The following SEMA5A variants were observed in gnomAD, a reference collection of about 807,000 sequenced individuals.
SEMA5A encodes the protein semaphorin 5A.
A neutral mutation model predicts 135.5 loss-of-function variants in SEMA5A; 55 were observed. The observed-to-expected ratio is 0.41, with a 90% CI of 0.33 to 0.51. SEMA5A has a LOEUF of 0.51. Ranked by LOEUF, SEMA5A falls within the 20% of genes least tolerant of loss-of-function variation. The pLI, the probability that SEMA5A is intolerant of heterozygous loss-of-function variation, is 0.37. For synonymous variants in SEMA5A, 580 were observed against 546.5 expected (o/e 1.06, Z -0.85); for missense variants, 1,290 against 1,419.9 (o/e 0.91, Z 1.47).
intron 11 of SEMA5A, among the ~76,000 whole-genome samples, chr5:9,171,767 C>T (rs1033078460): frequency 3.3e-5 from 5 of 152,080 alleles, no homozygotes; most frequent in East Asian, 1.9e-4. Flanking sequence ...ACACAGGCTG[C>T]GGCAAGGGTT....
At chr5:9,253,695 T>C (rs923480724) in intron 5 of SEMA5A, among the ~76,000 whole-genome samples, 11 of 152,174 alleles carry the variant, frequency 7.2e-5, no homozygotes, top group African/African-American at 2.7e-4. Flanking sequence ...ATAGAACCTA[T>C]AAAAATACAA....
At chr5:9,518,417 A>G (rs1311371294) in intron 1 of SEMA5A, among the ~76,000 whole-genome samples, 1 of 152,240 alleles carries the variant, frequency 6.6e-6, no homozygotes, top group Non-Finnish European at 1.5e-5. Flanking sequence ...TATTTTGTCT[A>G]AAACACTTAA....
chr5:9,489,108 T>C (rs1243140044), intron 1 of SEMA5A, among the ~76,000 whole-genome samples: 1 of 152,092 alleles, frequency 6.6e-6, no homozygotes, highest in African/African-American at 2.4e-5. Context: ...TTCCCAATAC[T>C]CAGTCAGGCA....
At chr5:9,490,143 A>G (rs1020872262) in intron 1 of SEMA5A, among the ~76,000 whole-genome samples, 1 of 152,232 alleles carries the variant, frequency 6.6e-6, no homozygotes, top group Non-Finnish European at 1.5e-5. Flanking sequence ...AAAGCATTTA[A>G]CAAATAAGAT....
intron 12 of SEMA5A, among the ~76,000 whole-genome samples, chr5:9,140,701 T>A (rs1165841872): frequency 2.0e-5 from 3 of 152,186 alleles, no homozygotes; most frequent in Non-Finnish European, 4.4e-5. Flanking sequence ...ATAGTGTATA[T>A]CACATATGGG....
intron 1 of SEMA5A, among the ~76,000 whole-genome samples, chr5:9,500,150 C>T (rs1442864456): frequency 2.6e-5 from 4 of 152,202 alleles, no homozygotes; most frequent in Non-Finnish European, 5.9e-5. Flanking sequence ...GCCAACCACA[C>T]AGAGCCAGAT....
intron 15 of SEMA5A, among the ~76,000 whole-genome samples, chr5:9,115,893 A>G (rs568495240): frequency 6.6e-6 from 1 of 152,208 alleles, no homozygotes; most frequent in African/African-American, 2.4e-5. Context: ...TTTTGTGATT[A>G]TGTTACATAA....
chr5:9,113,726 A>G (rs934139910), intron 15 of SEMA5A, among the ~76,000 whole-genome samples: 1 of 152,242 alleles, frequency 6.6e-6, no homozygotes, highest in Admixed American at 6.5e-5. Flanking sequence ...TCACTAAGGA[A>G]ATTCAAATCA....
At chr5:9,499,610 T>A (rs1263498482) in intron 1 of SEMA5A, among the ~76,000 whole-genome samples, 1 of 152,348 alleles carries the variant, frequency 6.6e-6, no homozygotes, top group East Asian at 1.9e-4. Flanking sequence ...GAACAGGAAG[T>A]TTGACAGGCA....
chr5:9,153,327 T>G (rs1331890698), intron 12 of SEMA5A, among the ~76,000 whole-genome samples: 2 of 152,174 alleles, frequency 1.3e-5, no homozygotes, highest in African/African-American at 4.8e-5. Flanking sequence ...GGGATCAGAG[T>G]GTATATACAA....
intron 5 of SEMA5A, among the ~76,000 whole-genome samples, chr5:9,302,836 C>T (rs1282410106): frequency 2.0e-5 from 3 of 152,052 alleles, no homozygotes; most frequent in East Asian, 1.9e-4. Context: ...AAAAAGAGGC[C>T]GCTTGACAAA....
At chr5:9,375,205 G>A (rs1291032357) in intron 3 of SEMA5A, among the ~76,000 whole-genome samples, 1 of 152,066 alleles carries the variant, frequency 6.6e-6, no homozygotes, top group African/African-American at 2.4e-5. Flanking sequence ...CCTTTTATGT[G>A]TCCTCCCAAA....
intron 6 of SEMA5A, among the ~76,000 whole-genome samples, chr5:9,230,789 A>G (rs1285995867): frequency 6.6e-6 from 1 of 152,142 alleles, no homozygotes; most frequent in East Asian, 1.9e-4. Context: ...CCCAGCCTTA[A>G]CTAGAGGTCT....
rs146811190 is a variant in SEMA5A at position 9,537,064 on chromosome 5, A to G, written c.-175+8520T>C. On this transcript the variant is annotated intron_variant, in intron 1 of 22. Transcript: ENST00000382496. ...GGCTAACATTTGGATGCTTTTCAAAAAAGAAAATGGTTAGAAAAAGTAGAA... is the reference window on the plus strand; with the variant it reads ...GGCTAACATTTGGATGCTTTTCAAAGAAGAAAATGGTTAGAAAAAGTAGAA... Among the ~76,000 whole-genome samples, 441 of 152,318 alleles carry G rather than the reference A, an allele frequency of 2.9e-3. 5 individuals carry two copies. The highest frequency in any genetic ancestry group is 0.01 in the African/African-American group (425 of 41,576).
chr5:9,407,051 T>A (rs1037664572), intron 2 of SEMA5A, among the ~76,000 whole-genome samples: 3 of 152,206 alleles, frequency 2.0e-5, no homozygotes, highest in African/African-American at 7.2e-5. Context: ...TGAAGGATGC[T>A]TAGCGGTATT....
chr5:9,509,992 A>G (rs972474626), intron 1 of SEMA5A, among the ~76,000 whole-genome samples: 5 of 152,202 alleles, frequency 3.3e-5, no homozygotes, highest in African/African-American at 1.2e-4. Flanking sequence ...GCAGAGGAAA[A>G]AGCAACAGAT....
intron 2 of SEMA5A, among the ~76,000 whole-genome samples, chr5:9,406,205 A>G (rs1322433995): frequency 6.6e-6 from 1 of 152,236 alleles, no homozygotes; most frequent in African/African-American, 2.4e-5. Flanking sequence ...ACATTTTCCC[A>G]GTGGCAATGA....
chr5:9,154,520 G>C lies in SEMA5A; in HGVS notation c.1449C>G (p.Pro483=). The C allele has an allele frequency of 6.2e-7, 1 of 1,612,238 alleles. No homozygotes were observed. Among genetic ancestry groups the C allele is most frequent in the Non-Finnish European group, 8.5e-7 (1 of 1,179,988 alleles). The change falls in exon 12 of 23, where the codon CCC becomes CCG. Residue 483 remains proline (P), a synonymous_variant. Transcript: ENST00000382496. ...TGCGGTAGAACTGGCACCTCTTCAG[G>C]GGGATCTTGACCACGTGCTCCCGCA... ...VGLREHVVKI[P]LKRCQFYRTR...
chr5:9,378,103 A>T (rs567959548), intron 3 of SEMA5A, among the ~76,000 whole-genome samples: 1 of 152,320 alleles, frequency 6.6e-6, no homozygotes, highest in African/African-American at 2.4e-5. Flanking sequence ...AATTATAATA[A>T]TCAAAATAAG....
Sources: allele counts gnomAD v4.1 joint callset (sites outside exome capture counted in the v4.1 genomes callset), GRCh38; gene constraint gnomAD v4.1.1; transcripts MANE v1.5; gene names NCBI Gene and HGNC (gene_info 2026-07-23, HGNC 2026-07-21).